Variants in SLC75A1 observed in about 807,000 individuals in gnomAD.
The protein encoded by SLC75A1 is major facilitator superfamily domain containing 10.
chr4:2,934,281 GGATCCC>G, the SLC75A1 span: 51,499 of 261,676 alleles, frequency 0.2, 6,738 homozygotes, highest in Non-Finnish European at 0.24. Context: ...CGGGGAACCC[GGATCCC>G]GATCCCGATC....
the SLC75A1 span, chr4:2,933,340 C>A: frequency 6.8e-6 from 7 of 1,022,534 alleles, no homozygotes; most frequent in Non-Finnish European, 1.0e-5. Context: ...AGGCCATGGC[C>A]CTTGAGCCGA....
chr4:2,933,552 C>T, the SLC75A1 span: 3 of 1,613,502 alleles, frequency 1.9e-6, no homozygotes, highest in Non-Finnish European at 1.7e-6. Flanking sequence ...GCCAAGGGCA[C>T]AGAGCCAGCC....
At chr4:2,931,574 TC>T in the SLC75A1 span, 2 of 1,612,610 alleles carry the variant, frequency 1.2e-6, no homozygotes, top group Non-Finnish European at 1.7e-6. Flanking sequence ...GGCAGCAACT[TC>T]CCCGCCAGGG....
chr4:2,930,775 G>C, the SLC75A1 span: 1 of 1,558,408 alleles, frequency 6.4e-7, no homozygotes, highest in Non-Finnish European at 8.7e-7. Flanking sequence ...TCAGGCAGTG[G>C]GCAGGGGCCT....
the SLC75A1 span, chr4:2,932,396 C>G: frequency 6.2e-7 from 1 of 1,613,592 alleles, no homozygotes; most frequent in Non-Finnish European, 8.5e-7. Context: ...AGAAGATGAA[C>G]AGCAGGTCGG....
chr4:2,933,793 GGCA>G, the SLC75A1 span: 2 of 1,593,366 alleles, frequency 1.3e-6, no homozygotes, highest in East Asian at 2.3e-5. Flanking sequence ...GGGCAGCAGG[GGCA>G]GCAGCAGCGT....
chr4:2,933,867 C>G, the SLC75A1 span: 22 of 1,584,004 alleles, frequency 1.4e-5, no homozygotes, highest in African/African-American at 2.2e-4. Context: ...GGCGCTCCGG[C>G]GGCTGCTGGT....
chr4:2,934,091 G>A, the SLC75A1 span: 2 of 722,754 alleles, frequency 2.8e-6, no homozygotes, highest in East Asian at 5.4e-5. Context: ...TCTGGCCTGC[G>A]CGATGCCCCC....
chr4:2,931,190 C>T, the SLC75A1 span: 1 of 1,557,648 alleles, frequency 6.4e-7, no homozygotes, highest in East Asian at 2.4e-5. Flanking sequence ...TGCCCTTCTC[C>T]CGCTCAGGTG....
chr4:2,932,752 C>T, the SLC75A1 span: 1 of 1,563,968 alleles, frequency 6.4e-7, no homozygotes, highest in African/African-American at 1.4e-5. Context: ...GAGGTGGCCA[C>T]ACCCATCTGC....
the SLC75A1 span, chr4:2,931,973 A>AGCAGG: frequency 6.2e-7 from 1 of 1,602,590 alleles, no homozygotes; most frequent in Non-Finnish European, 8.5e-7. Flanking sequence ...AGGCGACCAC[A>AGCAGG]GCAGGGAAGG....
At chr4:2,931,524 C>A in the SLC75A1 span, 1 of 1,601,262 alleles carries the variant, frequency 6.2e-7, no homozygotes, top group East Asian at 2.3e-5. Context: ...CAGGGGACTG[C>A]CTGCCACCCG....
the SLC75A1 span, chr4:2,931,442 G>C: frequency 6.4e-6 from 10 of 1,562,830 alleles, no homozygotes; most frequent in East Asian, 1.9e-4. Context: ...TGAGGAGGAA[G>C]GCGGGCACCA....
chr4:2,933,781 C>G, the SLC75A1 span: 1 of 1,595,948 alleles, frequency 6.3e-7, no homozygotes, highest in Non-Finnish European at 8.5e-7. Context: ...CTCCAACAGC[C>G]CGGGCAGCAG....
the SLC75A1 span, chr4:2,931,565 G>A: frequency 5.6e-6 from 9 of 1,612,370 alleles, no homozygotes; most frequent in South Asian, 7.7e-5. Context: ...CCGCTTCACG[G>A]CAGCAACTTC....
chr4:2,933,938 A>G, the SLC75A1 span: 7 of 1,553,194 alleles, frequency 4.5e-6, no homozygotes, highest in Non-Finnish European at 5.2e-6. Flanking sequence ...GGCTGCTCTG[A>G]CCTGGCCTGG....
the SLC75A1 span, chr4:2,931,450 C>T: frequency 8.1e-5 from 127 of 1,566,994 alleles, no homozygotes; most frequent in African/African-American, 1.6e-3. Flanking sequence ...AAGGCGGGCA[C>T]CAGCAGCAGG....
the SLC75A1 span, chr4:2,932,301 G>A: frequency 6.3e-7 from 1 of 1,581,092 alleles, no homozygotes. Flanking sequence ...CATCGCTATG[G>A]AATCAAGCCT....
chr4:2,932,648 C>G, the SLC75A1 span: 7 of 1,612,780 alleles, frequency 4.3e-6, no homozygotes, highest in Non-Finnish European at 8.5e-7. Flanking sequence ...CAACGATGGC[C>G]GTGGAGAGGC....
Sources: gnomAD v4.1 joint callset for allele counts on GRCh38, gnomAD v4.1.1 for gene constraint, MANE v1.5 for transcripts, NCBI Gene and HGNC (gene_info 2026-07-23, HGNC 2026-07-21) for gene names.